Variants in HPSE2 observed in about 807,000 individuals in gnomAD.
HPSE2 encodes the protein inactive heparanase-2.
A neutral mutation model predicts 60.5 loss-of-function variants in HPSE2; 38 were observed. The ratio of observed to expected loss-of-function variants is 0.63; its 90% confidence interval spans 0.48 to 0.82. The LOEUF (loss-of-function observed/expected upper bound fraction) is 0.82. Ranked by LOEUF, HPSE2 falls within the 40% of genes least tolerant of loss-of-function variation. The pLI, the probability that HPSE2 is intolerant of heterozygous loss-of-function variation, is 0.00. For synonymous variants in HPSE2, 295 were observed against 293.2 expected (o/e 1.01, Z -0.06); for missense variants, 713 against 740.4 (o/e 0.96, Z 0.43).
chr10:98,638,474 C>T (rs1946558502), intron 7 of HPSE2, among the ~76,000 whole-genome samples: 1 of 152,112 alleles, frequency 6.6e-6, no homozygotes, highest in East Asian at 1.9e-4. Flanking sequence ...AAACATAAAA[C>T]CTAACTTGGC....
At chr10:98,577,537 A>T (rs1485014971) in intron 9 of HPSE2, among the ~76,000 whole-genome samples, 1 of 152,222 alleles carries the variant, frequency 6.6e-6, no homozygotes, top group African/African-American at 2.4e-5. Context: ...CAGATCTCAC[A>T]AAAGTCCTCA....
chr10:99,146,404 C>G (rs372378699), intron 2 of HPSE2, among the ~76,000 whole-genome samples: 1 of 152,150 alleles, frequency 6.6e-6, no homozygotes, highest in Non-Finnish European at 1.5e-5. Flanking sequence ...AGCTGCAGGC[C>G]GACATCTTAA....
chr10:98,683,370 C>A (rs1947833357), intron 6 of HPSE2, among the ~76,000 whole-genome samples: 1 of 146,814 alleles, frequency 6.8e-6, no homozygotes, highest in African/African-American at 2.5e-5. Context: ...AAAAAACAAA[C>A]TACCTACTGG....
upstream of HPSE2, among the ~76,000 whole-genome samples, chr10:99,239,169 A>G (rs2133962148): frequency 6.6e-6 from 1 of 152,180 alleles, no homozygotes; most frequent in East Asian, 1.9e-4. Flanking sequence ...CAAAAAAATA[A>G]AAAGTAAAAT....
At chr10:98,813,102 T>G (rs937280293) in intron 3 of HPSE2, among the ~76,000 whole-genome samples, 3 of 152,158 alleles carry the variant, frequency 2.0e-5, no homozygotes, top group Non-Finnish European at 4.4e-5. Context: ...TTCTATTTAC[T>G]TCTTCCTCAA....
At chr10:98,536,061 G>T (rs558568486) in intron 9 of HPSE2, among the ~76,000 whole-genome samples, 7 of 152,302 alleles carry the variant, frequency 4.6e-5, no homozygotes, top group Admixed American at 4.6e-4. Flanking sequence ...ATGGGCAATA[G>T]GTCCCATCTC....
chr10:99,032,116 T>C (rs931268189), intron 3 of HPSE2, among the ~76,000 whole-genome samples: 4 of 152,174 alleles, frequency 2.6e-5, no homozygotes, highest in African/African-American at 9.7e-5. Context: ...AAATATGACA[T>C]TGAAAGGCGT....
At chr10:98,501,222 C>A (rs1201855888) in intron 9 of HPSE2, among the ~76,000 whole-genome samples, 1 of 152,020 alleles carries the variant, frequency 6.6e-6, no homozygotes, top group Non-Finnish European at 1.5e-5. Context: ...AAAACCAAAA[C>A]CAGGAAAGAA....
chr10:99,033,897 T>A (rs1204930274), intron 3 of HPSE2, among the ~76,000 whole-genome samples: 1 of 152,152 alleles, frequency 6.6e-6, no homozygotes, highest in African/African-American at 2.4e-5. Flanking sequence ...GTACAGTCAG[T>A]TTGGAAAACA....
chr10:98,476,278 A>T (rs1941014807), intron 11 of HPSE2, among the ~76,000 whole-genome samples: 1 of 138,844 alleles, frequency 7.2e-6, no homozygotes, highest in African/African-American at 2.7e-5. Context: ...AACAATGAGA[A>T]CACATGGACA....
chr10:98,937,140 G>A (rs1462893483), intron 3 of HPSE2, among the ~76,000 whole-genome samples: 1 of 143,946 alleles, frequency 6.9e-6, no homozygotes. Context: ...CTGGTCTACA[G>A]CTCCCAGCGT....
At chr10:99,048,663 C>A (rs1210047289) in intron 3 of HPSE2, among the ~76,000 whole-genome samples, 1 of 152,142 alleles carries the variant, frequency 6.6e-6, no homozygotes, top group African/African-American at 2.4e-5. Context: ...CTGTGGCAAG[C>A]AGTTTAGAGG....
At chr10:99,213,186 A>AT (rs1194680731) in intron 2 of HPSE2, among the ~76,000 whole-genome samples, 6 of 152,000 alleles carry the variant, frequency 3.9e-5, no homozygotes, top group Non-Finnish European at 7.4e-5. Context: ...TAAGAATGAA[A>AT]TTTTTTTTCT....
chr10:99,096,558 T>C (rs560384622), intron 3 of HPSE2, among the ~76,000 whole-genome samples: 1 of 152,342 alleles, frequency 6.6e-6, no homozygotes, highest in Admixed American at 6.5e-5. Context: ...GTCTATATTT[T>C]ATACACTTCT....
chr10:98,995,908 T>C (rs571736034), intron 3 of HPSE2, among the ~76,000 whole-genome samples: 2 of 152,204 alleles, frequency 1.3e-5, no homozygotes, highest in South Asian at 2.1e-4. Flanking sequence ...ATTAAAAGCA[T>C]ACTGAAATTA....
intron 3 of HPSE2, among the ~76,000 whole-genome samples, chr10:99,116,273 T>C (rs539187868): frequency 1.5e-4 from 23 of 152,210 alleles, no homozygotes; most frequent in Admixed American, 1.4e-3. Flanking sequence ...CAATATACTA[T>C]GTGGAATTAA....
chr10:99,288,748 C>CAAAAAAAAAAAAA, the HPSE2 span, among the ~76,000 whole-genome samples: 5 of 75,788 alleles, frequency 6.6e-5, no homozygotes, highest in African/African-American at 1.2e-4. Flanking sequence ...CAGCCTCAAG[C>CAAAAAAAAAAAAA]AAAAAAAAAA....
intron 3 of HPSE2, among the ~76,000 whole-genome samples, chr10:98,769,556 G>T (rs1589797261): frequency 6.6e-6 from 1 of 152,158 alleles, no homozygotes; most frequent in East Asian, 1.9e-4. Flanking sequence ...GGACAGACCT[G>T]GCTGTCCCAT....
intron 2 of HPSE2, among the ~76,000 whole-genome samples, chr10:99,156,880 G>C (rs1285567659): frequency 9.6e-5 from 9 of 93,462 alleles, no homozygotes; most frequent in African/African-American, 2.4e-4. Flanking sequence ...ATCTCCTTAA[G>C]CTGATAAGCA....
Sources: gnomAD v4.1 joint callset for allele counts (sites outside exome capture counted in the v4.1 genomes callset) on GRCh38, gnomAD v4.1.1 for gene constraint, MANE v1.5 for transcripts, NCBI Gene and HGNC (gene_info 2026-07-23, HGNC 2026-07-21) for gene names.